CSNK1G1: variants seen among roughly 807,000 people sequenced by gnomAD.
CSNK1G1 encodes casein kinase 1 gamma 1.
In CSNK1G1, 22 loss-of-function variants were observed where a neutral mutation model predicts 59.6. That is an observed-to-expected ratio of 0.37 (90% CI 0.26 to 0.53). The LOEUF (loss-of-function observed/expected upper bound fraction) is 0.53. Ranked by LOEUF, CSNK1G1 falls within the 20% of genes least tolerant of loss-of-function variation. CSNK1G1 has a pLI of 0.89. For missense variants in CSNK1G1, 384 were observed against 519.5 expected (o/e 0.74, Z 2.54); for synonymous variants, 179 against 177.1 (o/e 1.01, Z -0.08).
chr15:64,309,497 G>T (rs988195792), intron 1 of CSNK1G1, among the ~76,000 whole-genome samples: 4 of 152,018 alleles, frequency 2.6e-5, no homozygotes, highest in African/African-American at 9.7e-5. Flanking sequence ...TATAGTACCT[G>T]TCACAAGTAC....
chr15:64,288,824 A>G (rs1026559932), intron 2 of CSNK1G1, among the ~76,000 whole-genome samples: 1 of 152,064 alleles, frequency 6.6e-6, no homozygotes, highest in Admixed American at 6.6e-5. Flanking sequence ...TCACCCTCAT[A>G]AACACATCTT....
intron 10 of CSNK1G1, among the ~76,000 whole-genome samples, chr15:64,190,696 G>A (rs1246136537): frequency 1.3e-5 from 2 of 152,184 alleles, no homozygotes; most frequent in African/African-American, 2.4e-5. Context: ...TTACAGGCGT[G>A]AGCCACCGTG....
At chr15:64,349,093 C>T (rs187092178) in intron 1 of CSNK1G1, among the ~76,000 whole-genome samples, 4 of 149,488 alleles carry the variant, frequency 2.7e-5, no homozygotes, top group South Asian at 2.1e-4. Context: ...GCCGAGATCA[C>T]GCCACTGTAC....
chr15:64,201,271 C>CAAAAAAAAAA (rs545719275), intron 10 of CSNK1G1, among the ~76,000 whole-genome samples: 4 of 64,926 alleles, frequency 6.2e-5, no homozygotes, highest in Non-Finnish European at 6.8e-5. Context: ...GACACTGTCT[C>CAAAAAAAAAA]AAAAAAAAAA....
chr15:64,248,940 G>A (rs1327164817), intron 4 of CSNK1G1, among the ~76,000 whole-genome samples: 1 of 152,108 alleles, frequency 6.6e-6, no homozygotes, highest in Non-Finnish European at 1.5e-5. Flanking sequence ...CTAACATGGT[G>A]AAACCCCGTC....
chr15:64,201,054 C>G (rs572670168), intron 10 of CSNK1G1, among the ~76,000 whole-genome samples: 2 of 152,118 alleles, frequency 1.3e-5, no homozygotes, highest in African/African-American at 4.8e-5. Flanking sequence ...GGTGGATGAC[C>G]TGAAGTCAGG....
intron 10 of CSNK1G1, among the ~76,000 whole-genome samples, chr15:64,187,888 G>C (rs2081919447): frequency 6.6e-6 from 1 of 152,180 alleles, no homozygotes; most frequent in Admixed American, 6.5e-5. Context: ...ATTCCAGGGA[G>C]AAAAAAGGAA....
chr15:64,270,348 T>C (rs547642704), intron 2 of CSNK1G1, among the ~76,000 whole-genome samples: 2 of 152,144 alleles, frequency 1.3e-5, no homozygotes, highest in Non-Finnish European at 2.9e-5. Context: ...CTGCTAGCTG[T>C]GGGGTTGAAT....
chr15:64,304,799 T>G (rs1001130049), intron 1 of CSNK1G1, among the ~76,000 whole-genome samples: 4 of 152,214 alleles, frequency 2.6e-5, no homozygotes, highest in Admixed American at 2.6e-4. Flanking sequence ...TTGCCAGGCT[T>G]CTAAATCTCT....
At chr15:64,332,563 T>C (rs1487010365) in intron 1 of CSNK1G1, among the ~76,000 whole-genome samples, 1 of 142,230 alleles carries the variant, frequency 7.0e-6, no homozygotes, top group Non-Finnish European at 1.5e-5. Flanking sequence ...TTGGGAGATA[T>C]ACCTAATGCT....
Position 64,307,898 on chromosome 15 carries a change from G to A in CSNK1G1, c.-224-7175C>T, listed in dbSNP as rs533963329. Reference sequence around the variant, plus strand: ...AGACGGGGTTTCACCATGTTAGCCAGGATGGTCTCAACCTCCTGACTTCAT... The same window carrying A: ...AGACGGGGTTTCACCATGTTAGCCAAGATGGTCTCAACCTCCTGACTTCAT... On this transcript the variant is annotated intron_variant, in intron 1 of 11. Transcript: ENST00000303052. 5.3e-5 allele frequency among the ~76,000 whole-genome samples: 8 copies of A among 152,174 alleles called. No individual in the cohort carries two copies. The South Asian group carries it at 1.5e-3, about 28-fold the overall frequency.
Position 64,216,576 on chromosome 15 carries a change from T to A in CSNK1G1, c.430A>T (p.Ile144Leu), listed in dbSNP as rs775999431. The A allele has an allele frequency of 1.9e-6, 3 of 1,613,870 alleles. No homozygotes were observed. The highest frequency in any genetic ancestry group is 1.1e-5 in the South Asian group (1 of 91,064). ...RTFTLKTVLM[I>L]AIQLLSRMEY... ...TTCCAACTTACCAGCTGGATGGCTA[T>A]CATTAACACCGTCTTCAAAGTAAAT... is the stretch of plus-strand genomic sequence containing the variant. Residue 144 changes from isoleucine (I) to leucine (L), a missense_variant, in exon 5 of 12, where the codon ATA becomes TTA. Physicochemically the swap from Ile to Leu is conservative, Grantham distance 5. Coordinates refer to ENST00000303052, the MANE Select transcript of CSNK1G1 (RefSeq NM_022048.5). This position sits in a 1 kb window ranked among gnomAD's most constrained non-coding sequence, Gnocchi z 4.6.
At chr15:64,344,988 G>C (rs902420753) in intron 1 of CSNK1G1, among the ~76,000 whole-genome samples, 1 of 152,172 alleles carries the variant, frequency 6.6e-6, no homozygotes, top group Non-Finnish European at 1.5e-5. Flanking sequence ...CTTTCACACA[G>C]ACAGTTCCTA....
At chr15:64,201,739 TGTGTGTGTGTG>T (rs879894358) in intron 10 of CSNK1G1, among the ~76,000 whole-genome samples, 1,663 of 151,496 alleles carry the variant, frequency 0.011, 38 homozygotes, top group African/African-American at 0.039. Flanking sequence ...TGTGTGTGTG[TGTGTGTGTGTG>T]TTTATATACT....
intron 1 of CSNK1G1, among the ~76,000 whole-genome samples, chr15:64,332,783 A>ATTAT (rs1334315512): frequency 1.3e-5 from 2 of 152,080 alleles, no homozygotes; most frequent in Non-Finnish European, 2.9e-5. Context: ...TTTCTTGCTC[A>ATTAT]TATAAGCAAA....
intron 4 of CSNK1G1, among the ~76,000 whole-genome samples, chr15:64,231,772 T>C (rs1043238861): frequency 1.3e-5 from 2 of 152,208 alleles, no homozygotes; most frequent in Non-Finnish European, 2.9e-5. Flanking sequence ...ACTTCCTCAT[T>C]TTATATGCAT....
intron 11 of CSNK1G1, among the ~76,000 whole-genome samples, chr15:64,177,958 C>G (rs948773258): frequency 6.6e-6 from 1 of 152,208 alleles, no homozygotes; most frequent in Non-Finnish European, 1.5e-5. Context: ...GTACGGCCAT[C>G]CTTCAAGCTC....
At chr15:64,344,202 G>A (rs531876265) in intron 1 of CSNK1G1, among the ~76,000 whole-genome samples, 6 of 152,136 alleles carry the variant, frequency 3.9e-5, no homozygotes, top group East Asian at 1.9e-4. Context: ...GAATCAAAGC[G>A]CACATATTTA....
chr15:64,319,616 C>T (rs762407395), intron 1 of CSNK1G1, among the ~76,000 whole-genome samples: 5 of 152,124 alleles, frequency 3.3e-5, no homozygotes, highest in Non-Finnish European at 1.5e-5. Context: ...CACGATCTCG[C>T]TCACTGCAAC....
Sources: gnomAD v4.1 joint callset for allele counts (sites outside exome capture counted in the v4.1 genomes callset) on GRCh38, gnomAD v4.1.1 for gene constraint, Gnocchi (gnomAD v3.1) non-coding constraint, MANE v1.5 for transcripts, NCBI Gene and HGNC (gene_info 2026-07-23, HGNC 2026-07-21) for gene names.